RCOR1: variants seen among roughly 807,000 people sequenced by gnomAD.
RCOR1 encodes REST corepressor.
In RCOR1, 12 loss-of-function variants were observed where a neutral mutation model predicts 64.0. That is an observed-to-expected ratio of 0.19 (90% CI 0.12 to 0.30). The LOEUF (loss-of-function observed/expected upper bound fraction) is 0.30. Among genes scored for constraint, RCOR1 ranks in the 10% least tolerant of loss-of-function variants. The pLI is 1.00. For synonymous variants in RCOR1, 279 were observed against 227.2 expected (o/e 1.23, Z -2.05); for missense variants, 502 against 621.2 (o/e 0.81, Z 2.04).
intron 6 of RCOR1, chr14:102,710,700 C>T (rs1009684406): frequency 4.0e-5 from 19 of 472,752 alleles, no homozygotes; most frequent in Non-Finnish European, 5.6e-5. Flanking sequence ...AGTTAGGAAT[C>T]TATTTTAGTA....
chr14:102,622,972 A>C (rs1246087738), intron 2 of RCOR1, among the ~76,000 whole-genome samples: 1 of 152,132 alleles, frequency 6.6e-6, no homozygotes, highest in African/African-American at 2.4e-5. Flanking sequence ...TGCTTTGTCT[A>C]ATATCAGTAT....
intron 2 of RCOR1, among the ~76,000 whole-genome samples, chr14:102,623,590 A>G (rs780165833): frequency 6.6e-6 from 1 of 151,180 alleles, no homozygotes; most frequent in Non-Finnish European, 1.5e-5. Flanking sequence ...TTGTATTTTT[A>G]GTAGAGACAG....
chr14:102,602,726 G>A (rs116107007), intron 2 of RCOR1, among the ~76,000 whole-genome samples: 2,558 of 151,966 alleles, frequency 0.017, 78 homozygotes, highest in African/African-American at 0.058. Context: ...TTTTTTTGTA[G>A]ACTTGATATC....
intron 2 of RCOR1, among the ~76,000 whole-genome samples, chr14:102,613,344 C>T (rs1231176075): frequency 4.6e-5 from 7 of 151,918 alleles, no homozygotes; most frequent in South Asian, 4.2e-4. Context: ...TCAGGTGGTC[C>T]GCCATTCTCA....
chr14:102,696,907 G>A (rs550757045), intron 3 of RCOR1, among the ~76,000 whole-genome samples: 13 of 147,156 alleles, frequency 8.8e-5, no homozygotes, highest in African/African-American at 3.3e-4. Context: ...AGGAAACCAC[G>A]TGGGAGGTTT....
chr14:102,610,720 G>A (rs987216729), intron 2 of RCOR1, among the ~76,000 whole-genome samples: 1 of 151,942 alleles, frequency 6.6e-6, no homozygotes, highest in Admixed American at 6.6e-5. Flanking sequence ...CCACCACCAC[G>A]CCCGGCTAAT....
At chr14:102,656,141 T>A (rs1207310999) in intron 2 of RCOR1, 2 of 976,676 alleles carry the variant, frequency 2.0e-6, no homozygotes, top group Non-Finnish European at 2.4e-6. Context: ...TTTTTTATTT[T>A]TTTTATTTTT....
intron 2 of RCOR1, among the ~76,000 whole-genome samples, chr14:102,654,728 A>T (rs187163718): frequency 3.3e-4 from 50 of 152,024 alleles, no homozygotes; most frequent in Non-Finnish European, 5.1e-4. Flanking sequence ...AAAATTTTTA[A>T]AAAAAGAAAA....
intron 2 of RCOR1, among the ~76,000 whole-genome samples, chr14:102,601,210 A>G (rs1893389231): frequency 6.6e-6 from 1 of 151,480 alleles, no homozygotes; most frequent in East Asian, 2.0e-4. Flanking sequence ...ACGGGGTTTC[A>G]CTATGGTGGC....
intron 2 of RCOR1, among the ~76,000 whole-genome samples, chr14:102,597,628 CTTTTTTTTTTTTT>C (rs57656879): frequency 2.8e-3 from 127 of 45,010 alleles, no homozygotes; most frequent in African/African-American, 0.011. Flanking sequence ...TGCGCCCGAC[CTTTTTTTTTTTTT>C]TTTTTTTTTT....
At position 102,657,911 on chromosome 14, in the gene RCOR1, C is replaced by T; in HGVS notation, c.362-23984C>T. 4 of 984,390 alleles carry T rather than the reference C, an allele frequency of 4.1e-6. No individual in the cohort carries two copies. In the South Asian group the frequency reaches 1.9e-4, roughly 46 times the overall value. The allele number at this position is 984,390 out of a possible 1,614,324, so 61.0% of individuals were successfully genotyped here. A position where few individuals can be genotyped will look rare whatever the true frequency, so the allele number is the denominator to read the frequency against. ...ACAGGCCAGTTTCCCATTATATTGC[C>T]TCTCTGAAACAAGTGAAAGAGTTTT... On this transcript the variant is annotated intron_variant, in intron 2 of 11. Transcript: ENST00000262241.
intron 2 of RCOR1, among the ~76,000 whole-genome samples, chr14:102,629,844 C>T (rs1026496825): frequency 1.3e-5 from 2 of 152,154 alleles, no homozygotes; most frequent in Admixed American, 6.5e-5. Flanking sequence ...TCATCATCCC[C>T]TTTGTACAGA....
At chr14:102,678,868 T>C (rs1449467800) in intron 2 of RCOR1, among the ~76,000 whole-genome samples, 4 of 152,210 alleles carry the variant, frequency 2.6e-5, no homozygotes. Context: ...ATTTACATTT[T>C]CCTAATGGCT....
intron 4 of RCOR1, among the ~76,000 whole-genome samples, chr14:102,703,872 C>T (rs1410375229): frequency 2.0e-5 from 3 of 152,250 alleles, no homozygotes; most frequent in African/African-American, 4.8e-5. Flanking sequence ...TCTCAAGGAG[C>T]ACTCTCCCTG....
At chr14:102,685,079 T>TGG (rs397948268) in intron 3 of RCOR1, among the ~76,000 whole-genome samples, 1 of 147,720 alleles carries the variant, frequency 6.8e-6, no homozygotes, top group Non-Finnish European at 1.5e-5. Flanking sequence ...TGTGTGTGTG[T>TGG]TTTTTTTTTC....
chr14:102,678,393 G>A (rs1234438731), intron 2 of RCOR1, among the ~76,000 whole-genome samples: 3 of 152,120 alleles, frequency 2.0e-5, no homozygotes, highest in South Asian at 2.1e-4. Context: ...TCCGCCTCCT[G>A]GGTTCAAGCC....
Position 102,729,794 on chromosome 14 carries a change from G to A in RCOR1, c.*3288G>A, listed in dbSNP as rs759552160. 35 of 398,834 alleles carry A rather than the reference G, an allele frequency of 8.8e-5. No individual in the cohort carries two copies. The highest frequency in any genetic ancestry group is 3.3e-4 in the African/African-American group (16 of 48,614). The allele number at this position is 398,834 out of a possible 1,614,324, so 24.7% of individuals were successfully genotyped here. A position where few individuals can be genotyped will look rare whatever the true frequency, so the allele number is the denominator to read the frequency against. On this transcript the variant is annotated 3_prime_UTR_variant, in exon 12 of 12. Coordinates refer to ENST00000262241, the MANE Select transcript of RCOR1 (RefSeq NM_015156.4). The stretch of plus-strand genomic sequence containing the variant: ...AAAAATAAGCCAAACAGTGCATTAC[G>A]CTAACTGGATCCCTGCTTTTATGTG...
In RCOR1 at chr14:102,708,455, T is replaced by C; in HGVS notation, c.661-10T>C. On this transcript the variant is annotated splice_polypyrimidine_tract_variant and intron_variant, in intron 5 of 11. Transcript: ENST00000262241. The stretch of plus-strand genomic sequence containing the variant: ...TTATTTAAATAAACCAACTCATTTT[T>C]TATGTTTAGCTTCCAGATAAATCTA... 7.3e-7 allele frequency: 1 copy of C among 1,374,814 alleles called. No individual in the cohort carries two copies. Among genetic ancestry groups the C allele is most frequent in the Non-Finnish European group, 1.0e-6 (1 of 963,982 alleles). The allele number at this position is 1,374,814 out of a possible 1,614,324, so 85.2% of individuals were successfully genotyped here. A position where few individuals can be genotyped will look rare whatever the true frequency, so the allele number is the denominator to read the frequency against.
At chr14:102,636,517 G>A (rs1034259690) in intron 2 of RCOR1, among the ~76,000 whole-genome samples, 3 of 151,692 alleles carry the variant, frequency 2.0e-5, no homozygotes, top group Non-Finnish European at 2.9e-5. Context: ...CTGACCTCAG[G>A]CTATTTCTTC....
Sources: allele counts gnomAD v4.1 joint callset (sites outside exome capture counted in the v4.1 genomes callset), GRCh38; gene constraint gnomAD v4.1.1; transcripts MANE v1.5; gene names NCBI Gene and HGNC (gene_info 2026-07-23, HGNC 2026-07-21).